ZBTB20: variants seen among roughly 807,000 people sequenced by gnomAD.
ZBTB20 encodes zinc finger and BTB domain containing 20.
A neutral mutation model predicts 56.9 loss-of-function variants in ZBTB20; 9 were observed. That is an observed-to-expected ratio of 0.16 (90% confidence interval 0.10 to 0.28). ZBTB20 has a LOEUF of 0.28. Ranked by LOEUF, ZBTB20 falls within the 10% of genes least tolerant of loss-of-function variation. The pLI is 1.00. For missense variants in ZBTB20, 655 were observed against 1,003.0 expected, an observed-to-expected ratio of 0.65 and a Z score of 4.69; for synonymous variants, 417 against 420.7, an observed-to-expected ratio of 0.99 and a Z score of 0.11.
Position 114,873,500 on chromosome 3 carries a change from G to C in ZBTB20, c.-417+26804C>G, listed in dbSNP as rs138269930. The stretch of plus-strand genomic sequence containing the variant: ...AAATGTCTTATGTAGCAAGGTCTTT[G>C]GCTTCAAATGCCTTCACCAGGAATT... On this transcript the variant is annotated intron_variant, in intron 4 of 11. Coordinates refer to ENST00000675478, the MANE Select transcript of ZBTB20 (RefSeq NM_001348800.3). 2.2e-4 allele frequency among the ~76,000 whole-genome samples: 34 copies of C among 152,094 alleles called. No individual in the cohort carries two copies. The East Asian group carries it at 6.6e-3, about 29-fold the overall frequency.
At chr3:114,728,256 T>TATAA (rs1313413618) in intron 5 of ZBTB20, among the ~76,000 whole-genome samples, 1 of 152,216 alleles carries the variant, frequency 6.6e-6, no homozygotes, top group East Asian at 1.9e-4. Flanking sequence ...TTTTACAGTT[T>TATAA]ATAAATTATT....
At chr3:114,384,949 CATATGGAAAAATAAAT>C (rs1049039454) in intron 8 of ZBTB20, among the ~76,000 whole-genome samples, 3 of 152,178 alleles carry the variant, frequency 2.0e-5, no homozygotes, top group African/African-American at 4.8e-5. Flanking sequence ...CTTTCTGCAA[CATATGGAAAAATAAAT>C]ATTTTATCTG....
intron 3 of ZBTB20, 147 bp downstream of exon 3, chr3:114,974,219 T>C (rs1425263799): frequency 6.6e-6 from 1 of 151,820 alleles, no homozygotes; most frequent in Non-Finnish European, 1.5e-5. Flanking sequence ...TAGGTATACA[T>C]AGAAAAAGAT....
intron 3 of ZBTB20, among the ~76,000 whole-genome samples, chr3:114,946,402 T>A (rs554455544): frequency 1.4e-5 from 2 of 145,342 alleles, no homozygotes; most frequent in Admixed American, 6.6e-5. Context: ...AAGCAATAGA[T>A]AAACTTGATA....
chr3:115,015,033 T>C (rs1031574542), intron 2 of ZBTB20, among the ~76,000 whole-genome samples: 1 of 151,784 alleles, frequency 6.6e-6, no homozygotes, highest in South Asian at 2.1e-4. Flanking sequence ...AAATAAATCA[T>C]GGAAGGAGTG....
intron 6 of ZBTB20, among the ~76,000 whole-genome samples, chr3:114,502,234 C>G (rs2044074875): frequency 6.6e-6 from 1 of 152,176 alleles, no homozygotes; most frequent in Non-Finnish European, 1.5e-5. Flanking sequence ...GCAAAACAAA[C>G]TTCACTAAAG....
At chr3:114,651,419 C>T (rs984295623) in intron 6 of ZBTB20, among the ~76,000 whole-genome samples, 14 of 151,708 alleles carry the variant, frequency 9.2e-5, no homozygotes, top group Admixed American at 5.9e-4. Flanking sequence ...AAGTGGTAAG[C>T]TTATATTTGA....
At chr3:114,760,660 T>C (rs1487808129) in intron 5 of ZBTB20, among the ~76,000 whole-genome samples, 1 of 152,216 alleles carries the variant, frequency 6.6e-6, no homozygotes, top group East Asian at 1.9e-4. Flanking sequence ...AATGTCTTGA[T>C]ATCATCAAAA....
At chr3:114,371,996 T>C (rs1444080530) in intron 10 of ZBTB20, among the ~76,000 whole-genome samples, 1 of 151,990 alleles carries the variant, frequency 6.6e-6, no homozygotes, top group Admixed American at 6.6e-5. Context: ...GTGAGGTGAC[T>C]GGTGGAAAGA....
At chr3:114,573,752 T>G (rs921935718) in intron 6 of ZBTB20, among the ~76,000 whole-genome samples, 1 of 152,140 alleles carries the variant, frequency 6.6e-6, no homozygotes, top group African/African-American at 2.4e-5. Context: ...CATATTTTAG[T>G]AACTGAATAA....
chr3:114,883,404 A>G (rs2076470726), intron 4 of ZBTB20, among the ~76,000 whole-genome samples: 2 of 152,228 alleles, frequency 1.3e-5, no homozygotes, highest in Non-Finnish European at 2.9e-5. Context: ...CTGATCAGAA[A>G]TGTATTACTT....
At chr3:114,990,346 A>G (rs1183938957) in intron 2 of ZBTB20, among the ~76,000 whole-genome samples, 1 of 152,158 alleles carries the variant, frequency 6.6e-6, no homozygotes, top group African/African-American at 2.4e-5. Flanking sequence ...CCTTTTCTGC[A>G]TCTATTGAGA....
chr3:114,726,413 G>T (rs879368580), intron 5 of ZBTB20, among the ~76,000 whole-genome samples: 2 of 152,124 alleles, frequency 1.3e-5, no homozygotes. Flanking sequence ...TTTCTCAGTG[G>T]AATTCAATAT....
chr3:115,003,308 T>C lies in ZBTB20; in HGVS notation c.-506-28892A>G, dbSNP rs2079327619. 2.0e-5 allele frequency among the ~76,000 whole-genome samples: 3 copies of C among 151,624 alleles called. No homozygotes were observed. The Admixed American group carries it at 2.0e-4, about 10-fold the overall frequency. ...CTATAGTTATAATAATGCATCAATATTGGTTCATTAGTTGTAACAAATGTA... is the reference window on the plus strand; with the variant it reads ...CTATAGTTATAATAATGCATCAATACTGGTTCATTAGTTGTAACAAATGTA... On this transcript the variant is annotated intron_variant, in intron 2 of 11. Transcript: ENST00000675478.
At position 114,351,025 on chromosome 3, in the gene ZBTB20, G is replaced by A; in HGVS notation, c.1053C>T (p.Asn351=). 3 of 1,611,702 alleles carry A rather than the reference G, an allele frequency of 1.9e-6. No homozygotes were observed. The highest frequency in any genetic ancestry group is 1.7e-6 in the Non-Finnish European group (2 of 1,179,930). Residue 351 remains asparagine, a synonymous_variant, in exon 11 of 12, where the codon AAC becomes AAT. Transcript: ENST00000675478. ...TGTCTTCCGTGCACTCCTCGGATTC[G>A]TTGCGTTCCAGGATCTGCACCCTTT... ...GQQRVQILER[N]ESEECTEDTD...
intron 6 of ZBTB20, among the ~76,000 whole-genome samples, chr3:114,510,895 T>A (rs2045289987): frequency 6.6e-6 from 1 of 152,088 alleles, no homozygotes; most frequent in Admixed American, 6.6e-5. Context: ...GAAGGGCCTT[T>A]TTTCCATTTG....
intron 5 of ZBTB20, among the ~76,000 whole-genome samples, chr3:114,726,103 A>G (rs933142106): frequency 6.6e-6 from 1 of 152,234 alleles, no homozygotes; most frequent in Middle Eastern, 3.2e-3. Context: ...ACTGAGAGTT[A>G]CAGGGAGCCA....
At chr3:114,591,501 T>A (rs1380093599) in intron 6 of ZBTB20, among the ~76,000 whole-genome samples, 1 of 152,184 alleles carries the variant, frequency 6.6e-6, no homozygotes, top group African/African-American at 2.4e-5. Flanking sequence ...GTTACATGTC[T>A]ATTATTTCAG....
chr3:114,896,047 G>A (rs2074864734), intron 4 of ZBTB20, among the ~76,000 whole-genome samples: 1 of 152,132 alleles, frequency 6.6e-6, no homozygotes. Flanking sequence ...GGAATTCACA[G>A]GCGTGTTGAA....
Sources: allele counts gnomAD v4.1 joint callset (sites outside exome capture counted in the v4.1 genomes callset), GRCh38; gene constraint gnomAD v4.1.1; transcripts MANE v1.5; gene names NCBI Gene and HGNC (gene_info 2026-07-23, HGNC 2026-07-21).